Variants in MAP3K14 observed in about 807,000 individuals in gnomAD.
The protein encoded by MAP3K14 is mitogen-activated protein kinase kinase kinase 14.
In MAP3K14, 16 loss-of-function variants were observed where a neutral mutation model predicts 99.2. The observed-to-expected ratio is 0.16, with a 90% CI of 0.11 to 0.24. MAP3K14 has a LOEUF of 0.24. Among genes scored for constraint, MAP3K14 ranks in the 10% least tolerant of loss-of-function variants. The probability of loss-of-function intolerance (pLI) is 1.00; values close to 1 mark genes in which losing one functional copy is unlikely to be tolerated. For synonymous variants in MAP3K14, 462 were observed against 492.4 expected, an observed-to-expected ratio of 0.94 and a Z score of 0.82; for missense variants, 784 against 1,208.7, an observed-to-expected ratio of 0.65 and a Z score of 5.21.
chr17:45,273,761 G>A, intron 8 of MAP3K14, 154 bp from the exon 9 acceptor site: 2 of 703,410 alleles, frequency 2.8e-6, no homozygotes, highest in Non-Finnish European at 2.6e-6. Context: ...AATCGTGGAG[G>A]AAGGGAGGAG....
At chr17:45,303,443 C>T (rs113401383) in intron 1 of MAP3K14, among the ~76,000 whole-genome samples, 3,316 of 152,122 alleles carry the variant, frequency 0.022, 128 homozygotes, top group African/African-American at 0.075. Flanking sequence ...CACCTGTAAT[C>T]CCAGCTACTT....
rs907231129 is a variant in MAP3K14, at chr17:45,306,173, G to A, written c.-21+10787C>T. ...TGTGAGCAAGGCACTAATGTTATCC[G>A]TTTACAAGGAGGAAGAAACTGGGCC... On this transcript the variant is annotated intron_variant, in intron 1 of 15. Transcript: ENST00000344686. Among the ~76,000 whole-genome samples, 13 of 152,202 alleles carry A rather than the reference G, an allele frequency of 8.5e-5. 1 individual carries two copies. The highest frequency in any genetic ancestry group is 6.8e-3 in the Middle Eastern group (2 of 294).
rs1207235828 is a variant in MAP3K14, at chr17:45,267,221, G to A, written c.2327-23C>T. On this transcript the variant is annotated intron_variant, in intron 12 of 15. Transcript: ENST00000344686. The surrounding 1 kb of genome is among the most constrained non-coding windows in gnomAD (Gnocchi z 5.1). ...ATTCTGCAGGGAAAAGTGGAAGATGGCTGTGAAAGACTGGGAGGAGGCTGG... is the reference window on the plus strand; with the variant it reads ...ATTCTGCAGGGAAAAGTGGAAGATGACTGTGAAAGACTGGGAGGAGGCTGG... 5 of 1,523,806 alleles carry A rather than the reference G, an allele frequency of 3.3e-6. No individual in the cohort carries two copies. The highest frequency in any genetic ancestry group is 4.5e-6 in the Non-Finnish European group (5 of 1,115,978). The allele number at this position is 1,523,806 out of a possible 1,614,324, so 94.4% of individuals were successfully genotyped here.
chr17:45,289,133 G>C, intron 3 of MAP3K14, 103 bp downstream of exon 3: 4 of 949,702 alleles, frequency 4.2e-6, no homozygotes, highest in Non-Finnish European at 6.5e-6. Flanking sequence ...AGGTGCTGAG[G>C]GAGGGAGCCC....
rs868467695 is a variant in MAP3K14 at position 45,308,553 on chromosome 17, G to A, written c.-21+8407C>T. Among the ~76,000 whole-genome samples the A allele has an allele frequency of 1.1e-4, 16 of 152,102 alleles. No homozygotes were observed. In the South Asian group the frequency reaches 1.2e-3, roughly 12 times the overall value. On this transcript the variant is annotated intron_variant, in intron 1 of 15. Transcript: ENST00000344686. The stretch of plus-strand genomic sequence containing the variant: ...AGGACTTGTTCTGTCACCCAGGCTG[G>A]AATGCAGTGGTACAACCATAGCTTA...
rs1372993471 is a variant in MAP3K14 at position 45,273,815 on chromosome 17, A to G, written c.1553-208T>C. The G allele has an allele frequency of 4.5e-6, 3 of 667,682 alleles. No individual in the cohort carries two copies. The Admixed American group carries it at 6.2e-5, about 14-fold the overall frequency. The allele number at this position is 667,682 out of a possible 1,614,324, so 41.4% of individuals were successfully genotyped here. A position where few individuals can be genotyped will look rare whatever the true frequency, so the allele number is the denominator to read the frequency against. On this transcript the variant is annotated intron_variant, in intron 8 of 15. Transcript: ENST00000344686. ...AGGTAGGCAGGATCTCTGAGGGCAAAGGGACAGGAGCAGGGTTTACTCGGG... is the reference window on the plus strand; with the variant it reads ...AGGTAGGCAGGATCTCTGAGGGCAAGGGGACAGGAGCAGGGTTTACTCGGG...
intron 6 of MAP3K14, among the ~76,000 whole-genome samples, chr17:45,275,409 A>C (rs1032251871): frequency 6.6e-6 from 1 of 150,956 alleles, no homozygotes; most frequent in African/African-American, 2.4e-5. Context: ...CGGAGGTTGC[A>C]ATGAGCCAAG....
chr17:45,286,498 G>C lies in MAP3K14; in HGVS notation c.1085C>G (p.Ala362Gly). ...GGGCTCCCGGGATCTGGAGCCCCTT[G>C]CTGCCCAGGTCTTGGCCAGGCTGGT... ...SLTSLAKTWAARGSRSREPSP... is the reference protein window; with the variant it reads ...SLTSLAKTWAGRGSRSREPSP... Residue 362 changes from alanine (A) to glycine (G), a missense_variant, in exon 5 of 16, where the codon GCA (alanine) becomes GGA (glycine). Ala to Gly is a moderately conservative substitution (Grantham distance 60). Around this residue, in one of 5 missense-constraint regions of MAP3K14, gnomAD observed 138 missense variants for 164.1 expected, o/e 0.84. Transcript: ENST00000344686. The surrounding 1 kb of genome is among the most constrained non-coding windows in gnomAD (Gnocchi z 4.1). 6.2e-7 allele frequency: 1 copy of C among 1,605,814 alleles called. No homozygotes were observed. Among genetic ancestry groups the C allele is most frequent in the Non-Finnish European group, 8.5e-7 (1 of 1,176,068 alleles).
intron 9 of MAP3K14, 32 bp downstream of exon 9, chr17:45,273,471 T>TG (rs1335675627): frequency 2.7e-6 from 4 of 1,509,216 alleles, no homozygotes; most frequent in South Asian, 1.2e-5. Flanking sequence ...ATGAATGCAT[T>TG]GGGGGGCACG....
chr17:45,299,745 A>C (rs907389479), intron 1 of MAP3K14, among the ~76,000 whole-genome samples: 1 of 152,226 alleles, frequency 6.6e-6, no homozygotes, highest in African/African-American at 2.4e-5. Context: ...ATTAATCATT[A>C]AAATCTTACA....
chr17:45,285,090 G>A (rs530361268), intron 5 of MAP3K14, 141 bp from the exon 6 acceptor site: 16 of 875,258 alleles, frequency 1.8e-5, no homozygotes, highest in East Asian at 5.4e-5. Flanking sequence ...GCCCTGGGGC[G>A]AAGGCAGGGA....
At chr17:45,275,509 C>CA (rs1389706976) in intron 6 of MAP3K14, among the ~76,000 whole-genome samples, 2 of 150,568 alleles carry the variant, frequency 1.3e-5, no homozygotes, top group African/African-American at 2.4e-5. Flanking sequence ...AAAAAACCCA[C>CA]AAAAAAACAA....
At chr17:45,299,735 A>G (rs1229322965) in intron 1 of MAP3K14, among the ~76,000 whole-genome samples, 1 of 152,244 alleles carries the variant, frequency 6.6e-6, no homozygotes, top group East Asian at 1.9e-4. Context: ...GTGAAGGTAC[A>G]TTAATCATTA....
At position 45,286,588 on chromosome 17, in the gene MAP3K14, G is replaced by A. The variant is rs761107095; in HGVS notation, c.995C>T (p.Ser332Phe). The A allele has an allele frequency of 2.7e-5, 44 of 1,611,352 alleles. No individual in the cohort carries two copies. The highest frequency in any genetic ancestry group is 3.4e-5 in the Non-Finnish European group (40 of 1,178,980). ...AGCATGCACTAGGTATTCCTCCACA[G>A]AAAACTTCTCATGGGCACCACGAGA... Reference protein sequence around the residue: ...CLSRGAHEKFSVEEYLVHALQ... With the variant: ...CLSRGAHEKFFVEEYLVHALQ... The change falls in exon 5 of 16, where the codon TCT (serine) becomes TTT (phenylalanine). Residue 332 changes from serine to phenylalanine, a missense_variant. By Grantham distance (155) the Ser-to-Phe change is radical. Coordinates refer to ENST00000344686, the MANE Select transcript of MAP3K14 (RefSeq NM_003954.5). The surrounding 1 kb of genome is among the most constrained non-coding windows in gnomAD (Gnocchi z 4.1).
intron 1 of MAP3K14, among the ~76,000 whole-genome samples, chr17:45,311,231 G>A (rs2044476031): frequency 6.6e-6 from 1 of 152,170 alleles, no homozygotes; most frequent in South Asian, 2.1e-4. Flanking sequence ...GCTCTTTCTG[G>A]ACAGTGAGGT....
chr17:45,284,727 G>C, intron 6 of MAP3K14, 85 bp downstream of exon 6: 3 of 1,460,458 alleles, frequency 2.1e-6, no homozygotes, highest in South Asian at 2.7e-5. Flanking sequence ...GCCACCCTGC[G>C]ACTGTCCTGG....
In MAP3K14 at chr17:45,267,969, T is replaced by C. The variant is rs2044109402; in HGVS notation, c.1973-210A>G. On this transcript the variant is annotated intron_variant, in intron 11 of 15. Coordinates refer to ENST00000344686, the MANE Select transcript of MAP3K14 (RefSeq NM_003954.5). The surrounding 1 kb of genome is among the most constrained non-coding windows in gnomAD (Gnocchi z 5.1). ...TAAAATGGTCCCAATATGACAGGGATAGGACTGGATTTCTGTCTTTGATTC... is the reference window on the plus strand; with the variant it reads ...TAAAATGGTCCCAATATGACAGGGACAGGACTGGATTTCTGTCTTTGATTC... 2.0e-6 allele frequency: 1 copy of C among 499,578 alleles called. No homozygotes were observed. The highest frequency in any genetic ancestry group is 3.5e-6 in the Non-Finnish European group (1 of 287,414). 30.9% of individuals were successfully genotyped at this position (499,578 alleles called of 1,614,324 possible).
chr17:45,287,323 T>C lies in MAP3K14; in HGVS notation c.368A>G (p.His123Arg). 1.2e-6 allele frequency: 2 copies of C among 1,614,020 alleles called. No homozygotes were observed. The highest frequency in any genetic ancestry group is 1.1e-5 in the South Asian group (1 of 91,082). The change falls in exon 4 of 16, where the codon CAT becomes CGT. Residue 123 changes from histidine (H) to arginine (R), a missense_variant. By Grantham distance (29) the His-to-Arg change is conservative (BLOSUM62 0). This residue lies in a region of MAP3K14 where 188 missense variants were observed against 313.0 expected (regional missense o/e 0.60). Transcript: ENST00000344686. Reference protein sequence around the residue: ...SLDQIPNNVAHATEGKMARVC... With the variant: ...SLDQIPNNVARATEGKMARVC... Reference sequence around the variant, plus strand: ...ACGGGCCATTTTGCCCTCTGTAGCATGGGCCACATTGTTGGGGATCTGATC... The same window carrying C: ...ACGGGCCATTTTGCCCTCTGTAGCACGGGCCACATTGTTGGGGATCTGATC...
rs142514322 is a variant in MAP3K14, at chr17:45,296,812, C to T, written c.-20-6047G>A. ...ATAGGGAGTGGCTGCTTGCCTTCCT[C>T]CCTTATCAATGTCTGCCCAGATCTC... On this transcript the variant is annotated intron_variant, in intron 1 of 15. Transcript: ENST00000344686. 2.6e-5 allele frequency among the ~76,000 whole-genome samples: 4 copies of T among 152,362 alleles called. No homozygotes were observed. The East Asian group carries it at 7.7e-4, about 29-fold the overall frequency.
Sources: allele counts gnomAD v4.1 joint callset (sites outside exome capture counted in the v4.1 genomes callset), GRCh38; gene constraint gnomAD v4.1.1; regional missense constraint gnomAD v4.1.1; non-coding constraint Gnocchi (gnomAD v3.1); transcripts MANE v1.5; gene names NCBI Gene and HGNC (gene_info 2026-07-23, HGNC 2026-07-21).